The following SDR42E2 variants were observed in gnomAD, a reference collection of about 807,000 sequenced individuals.
The protein encoded by SDR42E2 is short chain dehydrogenase/reductase family 42E, member 2.
Under a neutral mutation model 10.5 loss-of-function variants are expected in SDR42E2, and 20 were observed. The observed-to-expected ratio is 1.90, with a 90% CI of 1.34 to 2.77. SDR42E2 has a LOEUF of 2.77. Ranked by LOEUF, SDR42E2 falls within the 30% of genes most tolerant of loss-of-function variation. SDR42E2 has a pLI of 0.00. For synonymous variants in SDR42E2, 72 were observed against 39.2 expected (o/e 1.84, Z -3.12); for missense variants, 162 against 104.2 (o/e 1.55, Z -2.42).
chr16:22,162,750 C>T (rs1464344644), intron 1 of SDR42E2, among the ~76,000 whole-genome samples, 186 bp downstream of exon 1: 1 of 152,206 alleles, frequency 6.6e-6, no homozygotes, highest in African/African-American at 2.4e-5. Flanking sequence ...TTTTGGGGTC[C>T]CCATCGACCT....
At chr16:22,184,104 C>T (rs1036085200) in intron 10 of SDR42E2, 77 bp from the exon 11 acceptor site, 52 of 398,742 alleles carry the variant, frequency 1.3e-4, no homozygotes, top group African/African-American at 4.7e-4. Flanking sequence ...TGCTGGTCCC[C>T]GGTAGAGGGA....
At chr16:22,185,858 C>T (rs1332438007) in intron 11 of SDR42E2, among the ~76,000 whole-genome samples, 1 of 152,122 alleles carries the variant, frequency 6.6e-6, no homozygotes, top group Non-Finnish European at 1.5e-5. Flanking sequence ...CCTCCCACTT[C>T]AGCCTCCAGA....
At chr16:22,171,030 AG>A in intron 6 of SDR42E2, 79 bp downstream of exon 6, 1 of 696,628 alleles carries the variant, frequency 1.4e-6, no homozygotes, top group Non-Finnish European at 2.6e-6. Context: ...GGGTGGAAGC[AG>A]GGTTGGTTTC....
intron 8 of SDR42E2, among the ~76,000 whole-genome samples, chr16:22,178,850 A>C (rs892988216): frequency 1.3e-5 from 2 of 152,246 alleles, no homozygotes; most frequent in African/African-American, 4.8e-5. Context: ...CAAACCTGGA[A>C]GTGAGAAAGG....
At chr16:22,183,741 A>G (rs1179257281) in intron 10 of SDR42E2, among the ~76,000 whole-genome samples, 1 of 152,144 alleles carries the variant, frequency 6.6e-6, no homozygotes, top group Non-Finnish European at 1.5e-5. Flanking sequence ...AATGCCTTAG[A>G]GTGTCTCTAG....
chr16:22,163,381 T>C (rs1387078577), intron 1 of SDR42E2, among the ~76,000 whole-genome samples: 1 of 152,158 alleles, frequency 6.6e-6, no homozygotes, highest in Non-Finnish European at 1.5e-5. Flanking sequence ...TTTAGGCCCC[T>C]GCTCATGATG....
intron 4 of SDR42E2, among the ~76,000 whole-genome samples, chr16:22,168,300 C>T (rs1325703679): frequency 6.6e-6 from 1 of 151,908 alleles, no homozygotes; most frequent in African/African-American, 2.4e-5. Context: ...GAGTTTCGCT[C>T]AGTCACCAAG....
At chr16:22,182,617 G>T (rs551135386) in intron 10 of SDR42E2, among the ~76,000 whole-genome samples, 2 of 152,324 alleles carry the variant, frequency 1.3e-5, no homozygotes, top group African/African-American at 4.8e-5. Flanking sequence ...CAGAGTGCTG[G>T]GATTACAGGC....
chr16:22,174,975 A>G (rs568239159), intron 7 of SDR42E2, among the ~76,000 whole-genome samples: 1 of 152,048 alleles, frequency 6.6e-6, no homozygotes, highest in East Asian at 1.9e-4. Flanking sequence ...ACTCCCTACT[A>G]TCCAAGCGGG....
In SDR42E2 at chr16:22,187,996, T is replaced by C. The variant is rs529774149; in HGVS notation, c.1014+1202T>C. ...CTGTAGTCCCAGCTACTCGGGATGC[T>C]GAGGCAGAAGAGTCGCTTGAACCTG... On this transcript the variant is annotated intron_variant, in intron 12 of 12. Transcript: ENST00000602312. 2.0e-5 allele frequency among the ~76,000 whole-genome samples: 3 copies of C among 151,846 alleles called. No homozygotes were observed. In the East Asian group the frequency reaches 5.8e-4, roughly 30 times the overall value.
At chr16:22,178,831 G>C (rs1308275027) in intron 8 of SDR42E2, among the ~76,000 whole-genome samples, 1 of 152,198 alleles carries the variant, frequency 6.6e-6, no homozygotes, top group East Asian at 1.9e-4. Flanking sequence ...AGAGGGGACA[G>C]CTTGGGCACA....
intron 10 of SDR42E2, among the ~76,000 whole-genome samples, chr16:22,182,877 C>T (rs1171902339): frequency 6.6e-6 from 1 of 152,102 alleles, no homozygotes; most frequent in African/African-American, 2.4e-5. Context: ...GGTGTTGGCA[C>T]ACCTGTGGTC....
Position 22,190,487 on chromosome 16 carries a change from T to C in SDR42E2, c.*94T>C. 1.0e-5 allele frequency: 4 copies of C among 399,730 alleles called. No homozygotes were observed. The highest frequency in any genetic ancestry group is 1.8e-5 in the Non-Finnish European group (4 of 226,404). 24.8% of individuals were successfully genotyped at this position (399,730 alleles called of 1,614,324 possible). ...TTGTACCAGCCCCTGCCCCGCCTTC[T>C]GGGTTTGAGCGCGCCTCCGCTCCGC... is the stretch of plus-strand genomic sequence containing the variant. On this transcript the variant is annotated 3_prime_UTR_variant, in exon 13 of 13. Coordinates refer to ENST00000602312, the MANE Select transcript of SDR42E2 (RefSeq NM_001394319.2).
At chr16:22,183,950 A>C (rs200158962) in intron 10 of SDR42E2, among the ~76,000 whole-genome samples, 1 of 126,156 alleles carries the variant, frequency 7.9e-6, no homozygotes, top group African/African-American at 3.1e-5. Flanking sequence ...AAAAAAAAAA[A>C]AATTTTAACT....
chr16:22,176,230 C>A (rs1278120889), intron 7 of SDR42E2, among the ~76,000 whole-genome samples: 6 of 152,100 alleles, frequency 3.9e-5, no homozygotes, highest in Non-Finnish European at 8.8e-5. Flanking sequence ...GTGATTCCCC[C>A]ACCCCAGCCT....
intron 2 of SDR42E2, 137 bp from the exon 3 acceptor site, chr16:22,166,113 G>T (rs1222877852): frequency 2.1e-6 from 1 of 468,790 alleles, no homozygotes; most frequent in South Asian, 4.1e-5. Context: ...GAGCTGGATC[G>T]GTACCTGGGC....
At chr16:22,174,160 G>A (rs969085396) in intron 7 of SDR42E2, among the ~76,000 whole-genome samples, 1 of 151,478 alleles carries the variant, frequency 6.6e-6, no homozygotes, top group Non-Finnish European at 1.5e-5. Flanking sequence ...GTGAAACCCC[G>A]TCTCTACTAA....
intron 7 of SDR42E2, among the ~76,000 whole-genome samples, chr16:22,177,911 A>C (rs1299256535): frequency 4.5e-5 from 1 of 22,306 alleles, no homozygotes; most frequent in African/African-American, 1.9e-4. Context: ...GGATCCATCC[A>C]GGGTGGGGGG....
intron 6 of SDR42E2, among the ~76,000 whole-genome samples, chr16:22,171,257 T>A (rs991157397): frequency 6.6e-6 from 1 of 152,136 alleles, no homozygotes; most frequent in Non-Finnish European, 1.5e-5. Context: ...CTTTTGTTTT[T>A]TTGAGACAGA....
Sources: gnomAD v4.1 joint callset for allele counts (sites outside exome capture counted in the v4.1 genomes callset) on GRCh38, gnomAD v4.1.1 for gene constraint, MANE v1.5 for transcripts, NCBI Gene and HGNC (gene_info 2026-07-23, HGNC 2026-07-21) for gene names.